The following RASA3 variants were observed in gnomAD, a reference collection of about 807,000 sequenced individuals.
The protein encoded by RASA3 is RAS p21 protein activator 3.
In RASA3, 73 loss-of-function variants were observed where a neutral mutation model predicts 110.0. That is an observed-to-expected ratio of 0.66 (90% confidence interval 0.55 to 0.81). RASA3 has a LOEUF of 0.81. Among genes scored for constraint, RASA3 ranks in the 30% least tolerant of loss-of-function variants. The pLI, the probability that RASA3 is intolerant of heterozygous loss-of-function variation, is 0.00. For synonymous variants in RASA3, 500 were observed against 451.4 expected (o/e 1.11, Z -1.37); for missense variants, 976 against 1,113.2 (o/e 0.88, Z 1.75).
rs538823246 is a variant in RASA3, at chr13:114,038,263, G to A, written c.372+2737C>T. Among the ~76,000 whole-genome samples, 7 of 152,320 alleles carry A rather than the reference G, an allele frequency of 4.6e-5. No homozygotes were observed. In the East Asian group the frequency reaches 9.7e-4, roughly 21 times the overall value. On this transcript the variant is annotated intron_variant, in intron 4 of 23. Coordinates refer to ENST00000334062, the MANE Select transcript of RASA3 (RefSeq NM_007368.4). The stretch of plus-strand genomic sequence containing the variant: ...AACTCGCCGACACGCAGGCGGGAGC[G>A]GCCCAGTCACCAAGCCCCGTCTCCC...
At position 113,979,251 on chromosome 13, in the gene RASA3, T is replaced by C; in HGVS notation, c.*96A>G. On this transcript the variant is annotated 3_prime_UTR_variant, in exon 24 of 24. Coordinates refer to ENST00000334062, the MANE Select transcript of RASA3 (RefSeq NM_007368.4). ...TGGGCCGGGACGGCGTGCATCTCAC[T>C]TTGCCGGCTCTGCGCTCTTCCTTCT... 8.0e-7 allele frequency: 1 copy of C among 1,253,886 alleles called. No individual in the cohort carries two copies. Among genetic ancestry groups the C allele is most frequent in the Non-Finnish European group, 1.2e-6 (1 of 861,336 alleles). The allele number at this position is 1,253,886 out of a possible 1,614,324, so 77.7% of individuals were successfully genotyped here.
intron 1 of RASA3, among the ~76,000 whole-genome samples, chr13:114,110,021 G>A (rs569100013): frequency 3.9e-5 from 6 of 152,142 alleles, no homozygotes; most frequent in East Asian, 3.9e-4. Flanking sequence ...AGTGAGAGCC[G>A]TGAAACACAG....
At chr13:113,999,724 G>T (rs142178525) in intron 19 of RASA3, 57 bp from the exon 20 acceptor site, 3 of 1,490,814 alleles carry the variant, frequency 2.0e-6, no homozygotes, top group Non-Finnish European at 2.8e-6. Context: ...GCTGGGGTCC[G>T]GGTGGGGCTG....
intron 1 of RASA3, among the ~76,000 whole-genome samples, chr13:114,078,368 GCTGT>G (rs2079727668): frequency 6.6e-6 from 1 of 152,224 alleles, no homozygotes; most frequent in Admixed American, 6.5e-5. Context: ...AAAAGACAAA[GCTGT>G]CTGTGGTATA....
chr13:114,039,841 C>A (rs988809250), intron 4 of RASA3, among the ~76,000 whole-genome samples: 2 of 152,244 alleles, frequency 1.3e-5, no homozygotes, highest in African/African-American at 4.8e-5. Context: ...GCTCCCCCCA[C>A]TGGACAGGAC....
At chr13:114,051,260 A>G (rs2079141915) in intron 3 of RASA3, among the ~76,000 whole-genome samples, 1 of 152,140 alleles carries the variant, frequency 6.6e-6, no homozygotes, top group Admixed American at 6.5e-5. Context: ...GGCAGCCAGT[A>G]CACACTGGCT....
rs9525235 is a variant in RASA3, at chr13:114,073,541, C to T, written c.173+179G>A. Among the ~76,000 whole-genome samples the T allele has an allele frequency of 8.1e-3, 905 of 111,344 alleles. 36 individuals carry two copies. Among genetic ancestry groups the T allele is most frequent in the Middle Eastern group, 0.017 (3 of 172 alleles). 73.0% of individuals were successfully genotyped at this position (111,344 alleles called of 152,430 possible). On this transcript the variant is annotated intron_variant, in intron 2 of 23. Coordinates refer to ENST00000334062, the MANE Select transcript of RASA3 (RefSeq NM_007368.4). Reference sequence around the variant, plus strand: ...CAGGAAAACGGGACGGTGACGTACACGCTCGGGACATTGTCTACGCACAGA... The same window carrying T: ...CAGGAAAACGGGACGGTGACGTACATGCTCGGGACATTGTCTACGCACAGA...
Position 114,052,130 on chromosome 13 carries a change from A to G in RASA3, c.199T>C (p.Cys67Arg). 6.2e-7 allele frequency: 1 copy of G among 1,613,264 alleles called. No homozygotes were observed. Among genetic ancestry groups the G allele is most frequent in the Non-Finnish European group, 8.5e-7 (1 of 1,179,614 alleles). Reference sequence around the variant, plus strand: ...TGACGAAAGCTCCGAGGAATTTCACAGTAAAAGTCTTCTCCGTAAAACGGG... The same window carrying G: ...TGACGAAAGCTCCGAGGAATTTCACGGTAAAAGTCTTCTCCGTAAAACGGG... ...LCPFYGEDFYCEIPRSFRHLS... is the reference protein window; with the variant it reads ...LCPFYGEDFYREIPRSFRHLS... Residue 67 changes from cysteine to arginine, a missense_variant, in exon 3 of 24, where the codon TGT (cysteine) becomes CGT (arginine). By Grantham distance (180) the Cys-to-Arg change is radical. Coordinates refer to ENST00000334062, the MANE Select transcript of RASA3 (RefSeq NM_007368.4).
chr13:114,123,853 T>A (rs2080411848), intron 1 of RASA3, among the ~76,000 whole-genome samples: 1 of 152,222 alleles, frequency 6.6e-6, no homozygotes, highest in South Asian at 2.1e-4. Context: ...GACTCAGACC[T>A]CTTACCAACC....
At chr13:114,030,490 A>ACACAGAGGGCAAGG (rs2054137677) in intron 4 of RASA3, among the ~76,000 whole-genome samples, 3 of 95,260 alleles carry the variant, frequency 3.1e-5, no homozygotes, top group Admixed American at 1.0e-4. Flanking sequence ...AGAGGGCAAG[A>ACACAGAGGGCAAGG]CTCACACAGA....
chr13:114,036,056 C>T (rs961990653), intron 4 of RASA3: 6 of 152,390 alleles, frequency 3.9e-5, no homozygotes, highest in South Asian at 2.1e-4. Flanking sequence ...TTTCTGAATA[C>T]GTCACAGATG....
chr13:113,995,680 GGGGGCCCGGCTGAT>G (rs1356091332), intron 21 of RASA3, among the ~76,000 whole-genome samples: 6 of 104,118 alleles, frequency 5.8e-5, no homozygotes, highest in Non-Finnish European at 8.7e-5. Flanking sequence ...CCCAGCTGAT[GGGGGCCCGGCTGAT>G]GGGGGGCTGG....
intron 18 of RASA3, among the ~76,000 whole-genome samples, chr13:114,005,553 G>T (rs540868638): frequency 4.6e-5 from 7 of 152,218 alleles, no homozygotes; most frequent in African/African-American, 1.7e-4. Flanking sequence ...CTCTGACTCT[G>T]GTTCCCTGAG....
In RASA3 at chr13:114,096,121, G is replaced by T. The variant is rs1446566942; in HGVS notation, c.56-22284C>A. On this transcript the variant is annotated intron_variant, in intron 1 of 23. Coordinates refer to ENST00000334062, the MANE Select transcript of RASA3 (RefSeq NM_007368.4). The surrounding 1 kb of genome is among the most constrained non-coding windows in gnomAD (Gnocchi z 5.1). ...GCGGCATCGGTGTGCTGGGAAGGGG[G>T]TGCTCTCTGGGTGGCCTGGGTGGCA... Among the ~76,000 whole-genome samples the T allele has an allele frequency of 6.6e-6, 1 of 152,058 alleles. No individual in the cohort carries two copies.
At chr13:113,999,516 C>T (rs888555498) in intron 20 of RASA3, 69 bp downstream of exon 20, 79 of 1,294,196 alleles carry the variant, frequency 6.1e-5, no homozygotes, top group Non-Finnish European at 8.1e-5. Context: ...GGGCCAGGTA[C>T]GGGAAGAGAG....
At chr13:114,054,850 G>A (rs1383165453) in intron 2 of RASA3, among the ~76,000 whole-genome samples, 2 of 152,254 alleles carry the variant, frequency 1.3e-5, no homozygotes, top group Non-Finnish European at 2.9e-5. Flanking sequence ...CGCGTTGGTC[G>A]TTGACGCAGC....
intron 1 of RASA3, among the ~76,000 whole-genome samples, chr13:114,109,857 G>C (rs907655619): frequency 6.6e-6 from 1 of 152,210 alleles, no homozygotes; most frequent in Non-Finnish European, 1.5e-5. Context: ...GCGGCGGCAC[G>C]AGACTCAGCA....
Position 114,048,025 on chromosome 13 carries a change from G to A in RASA3, c.277+4027C>T, listed in dbSNP as rs1175738634. On this transcript the variant is annotated intron_variant, in intron 3 of 23. Transcript: ENST00000334062. This position sits in a 1 kb window ranked among gnomAD's most constrained non-coding sequence, Gnocchi z 4.3. ...ACCACCTGATTTATACACAAAGAAC[G>A]GAGGTCTCGGCCGGGCGCGGTGGCT... is the stretch of plus-strand genomic sequence containing the variant. Among the ~76,000 whole-genome samples the A allele has an allele frequency of 1.3e-5, 2 of 152,182 alleles. No homozygotes were observed. The highest frequency in any genetic ancestry group is 2.9e-5 in the Non-Finnish European group (2 of 68,042).
chr13:114,025,715 G>A (rs1317183749), intron 7 of RASA3, among the ~76,000 whole-genome samples: 9 of 152,268 alleles, frequency 5.9e-5, no homozygotes, highest in African/African-American at 2.2e-4. Flanking sequence ...CATTTAGAGA[G>A]TTAAAGGGTC....
Sources: gnomAD v4.1 joint callset for allele counts (sites outside exome capture counted in the v4.1 genomes callset) on GRCh38, gnomAD v4.1.1 for gene constraint, Gnocchi (gnomAD v3.1) non-coding constraint, MANE v1.5 for transcripts, NCBI Gene and HGNC (gene_info 2026-07-23, HGNC 2026-07-21) for gene names.